Variants in ILDR1 observed in about 807,000 individuals in gnomAD.
ILDR1 encodes the protein immunoglobulin-like domain-containing receptor 1.
ILDR1 carries 56 observed loss-of-function variants against 62.4 expected under a neutral mutation model. That is an observed-to-expected ratio of 0.90 (90% CI 0.72 to 1.12). The LOEUF (loss-of-function observed/expected upper bound fraction) is 1.12. Ranked by LOEUF, ILDR1 falls within the 50% of genes most tolerant of loss-of-function variation. The probability of loss-of-function intolerance (pLI) is 0.00; values close to 1 mark genes in which losing one functional copy is unlikely to be tolerated. For synonymous variants in ILDR1, 284 were observed against 277.8 expected (o/e 1.02, Z -0.22); for missense variants, 736 against 710.6 (o/e 1.04, Z -0.41).
intron 1 of ILDR1, among the ~76,000 whole-genome samples, chr3:122,017,133 C>T (rs2071787530): frequency 6.6e-6 from 1 of 152,038 alleles, no homozygotes; most frequent in African/African-American, 2.4e-5. Context: ...CTGCAACCTC[C>T]GCCCCACCGG....
rs1165789029 is a variant in ILDR1 at position 121,996,995 on chromosome 3, G to A, written c.647-2682C>T. ...GGCTCACTGCAACCTTCGCCTCTGG[G>A]GTTCAAGCGATTCTTCTGTCTCAGC... On this transcript the variant is annotated intron_variant, in intron 5 of 7. Transcript: ENST00000344209. Among the ~76,000 whole-genome samples, 4 of 152,284 alleles carry A rather than the reference G, an allele frequency of 2.6e-5. No homozygotes were observed. In the East Asian group the frequency reaches 5.8e-4, roughly 22 times the overall value.
chr3:122,030,379 CAG>C, the ILDR1 span, among the ~76,000 whole-genome samples: 1 of 151,944 alleles, frequency 6.6e-6, no homozygotes, highest in Non-Finnish European at 1.5e-5. Context: ...AGTATGGAAA[CAG>C]ACACAATACC....
the ILDR1 span, among the ~76,000 whole-genome samples, chr3:122,048,745 T>A: frequency 2.2e-4 from 34 of 152,336 alleles, no homozygotes; most frequent in Non-Finnish European, 1.6e-4. Flanking sequence ...AATATTTTTT[T>A]AATTTCTGTG....
At chr3:122,041,841 T>C in the ILDR1 span, among the ~76,000 whole-genome samples, 1 of 151,958 alleles carries the variant, frequency 6.6e-6, no homozygotes, top group Non-Finnish European at 1.5e-5. Flanking sequence ...ATATATAAGA[T>C]CACATCATCT....
At chr3:122,004,164 G>A (rs980486969) in intron 3 of ILDR1, among the ~76,000 whole-genome samples, 8 of 152,190 alleles carry the variant, frequency 5.3e-5, no homozygotes, top group African/African-American at 1.7e-4. Context: ...GCCACCATGA[G>A]TGGCCCACTG....
intron 2 of ILDR1, among the ~76,000 whole-genome samples, chr3:122,005,751 C>A (rs1259991105): frequency 6.6e-6 from 1 of 151,882 alleles, no homozygotes; most frequent in African/African-American, 2.4e-5. Flanking sequence ...ATCCACCTGC[C>A]CTTAAAACAT....
At position 121,987,680 on chromosome 3, in the gene ILDR1, A is replaced by T. The variant is rs1362606812; in HGVS notation, c.*687T>A. On this transcript the variant is annotated 3_prime_UTR_variant, in exon 8 of 8. Coordinates refer to ENST00000344209, the MANE Select transcript of ILDR1 (RefSeq NM_001199799.2). ...TACTCCATAGATTTCCTTTTCCTGA[A>T]ACATGTTTGATTTCTTCTTAAACAT... 1.3e-5 allele frequency: 2 copies of T among 156,946 alleles called. No individual in the cohort carries two copies. The highest frequency in any genetic ancestry group is 1.2e-4 in the Admixed American group (2 of 16,174). The allele number at this position is 156,946 out of a possible 1,614,324, so 9.7% of individuals were successfully genotyped here.
At chr3:122,052,135 T>C in the ILDR1 span, among the ~76,000 whole-genome samples, 12 of 152,270 alleles carry the variant, frequency 7.9e-5, no homozygotes, top group African/African-American at 2.9e-4. Context: ...TGTTCTATTT[T>C]TCTCTTGCCC....
chr3:121,996,679 A>T (rs1401528686), intron 5 of ILDR1, among the ~76,000 whole-genome samples: 1 of 152,224 alleles, frequency 6.6e-6, no homozygotes, highest in Non-Finnish European at 1.5e-5. Context: ...GCTTGTTAAA[A>T]ATACAGCTTT....
the ILDR1 span, among the ~76,000 whole-genome samples, chr3:122,030,623 T>TCTCTCTCTC: frequency 6.7e-4 from 99 of 147,636 alleles, 1 homozygote; most frequent in South Asian, 2.0e-3. Context: ...GCAAGGGTTT[T>TCTCTCTCTC]TCTCTCTCTC....
chr3:121,988,992 C>G (rs893521832), intron 7 of ILDR1, among the ~76,000 whole-genome samples: 3 of 152,072 alleles, frequency 2.0e-5, no homozygotes, highest in African/African-American at 7.2e-5. Flanking sequence ...GGGTGAAGAA[C>G]TGTGGTTTAC....
At chr3:121,989,800 G>T (rs906660783) in intron 7 of ILDR1, among the ~76,000 whole-genome samples, 1 of 152,030 alleles carries the variant, frequency 6.6e-6, no homozygotes, top group Non-Finnish European at 1.5e-5. Flanking sequence ...GTAACATATC[G>T]TTCCTATCTA....
chr3:122,058,190 T>TA, the ILDR1 span, among the ~76,000 whole-genome samples: 1 of 152,184 alleles, frequency 6.6e-6, no homozygotes, highest in Admixed American at 6.5e-5. Context: ...TACAACCACT[T>TA]AATGGCATTA....
At chr3:122,017,291 C>T (rs1211335269) in intron 1 of ILDR1, among the ~76,000 whole-genome samples, 1 of 152,156 alleles carries the variant, frequency 6.6e-6, no homozygotes, top group Admixed American at 6.5e-5. Flanking sequence ...TCAAATGATC[C>T]ACCTGCCTTG....
chr3:122,026,196 G>A (rs1228414606), upstream of ILDR1, among the ~76,000 whole-genome samples: 2 of 152,152 alleles, frequency 1.3e-5, no homozygotes, highest in Admixed American at 6.5e-5. Context: ...TTTTGAATCC[G>A]GAGAGGCATA....
chr3:122,001,901 GGA>G, intron 3 of ILDR1, 37 bp from the exon 4 acceptor site: 1 of 1,611,228 alleles, frequency 6.2e-7, no homozygotes, highest in South Asian at 1.1e-5. Flanking sequence ...CAGTGTCAGA[GGA>G]GAGAGCACTG....
chr3:121,991,705 G>A lies in ILDR1; in HGVS notation c.1599+1445C>T, dbSNP rs562408053. Among the ~76,000 whole-genome samples, 9 of 152,294 alleles carry A rather than the reference G, an allele frequency of 5.9e-5. No homozygotes were observed. In the East Asian group the frequency reaches 1.5e-3, roughly 26 times the overall value. On this transcript the variant is annotated intron_variant, in intron 7 of 7. Transcript: ENST00000344209. Reference sequence around the variant, plus strand: ...AATTGCCATTAATTATTACAGAAATGTCTGCTGGTCTTTGCTACCTTCCTC... The same window carrying A: ...AATTGCCATTAATTATTACAGAAATATCTGCTGGTCTTTGCTACCTTCCTC...
intron 1 of ILDR1, among the ~76,000 whole-genome samples, chr3:122,012,235 G>A (rs1245290921): frequency 1.3e-5 from 2 of 152,116 alleles, no homozygotes; most frequent in Non-Finnish European, 2.9e-5. Context: ...AATGTGAACA[G>A]GATCAAAAAA....
rs1553743343 is a variant in ILDR1, at chr3:121,993,612, C to G, written c.1137G>C (p.Glu379Asp). Residue 379 changes from glutamate to aspartate, a missense_variant, in exon 7 of 8, where the codon GAG (glutamate) becomes GAC (aspartate). Transcript: ENST00000344209. ...SHHHYPDFHQELQDRGPKSWA... is the reference protein window; with the variant it reads ...SHHHYPDFHQDLQDRGPKSWA... ...AAGACTTTGGCCCCCGGTCCTGGAGCTCCTGGTGGAAATCAGGGTAATGGT... is the reference window on the plus strand; with the variant it reads ...AAGACTTTGGCCCCCGGTCCTGGAGGTCCTGGTGGAAATCAGGGTAATGGT... 9 of 1,614,232 alleles carry G rather than the reference C, an allele frequency of 5.6e-6. No individual in the cohort carries two copies. Among genetic ancestry groups the G allele is most frequent in the Non-Finnish European group, 7.6e-6 (9 of 1,180,034 alleles).
Sources: allele counts gnomAD v4.1 joint callset (sites outside exome capture counted in the v4.1 genomes callset), GRCh38; gene constraint gnomAD v4.1.1; transcripts MANE v1.5; gene names NCBI Gene and HGNC (gene_info 2026-07-23, HGNC 2026-07-21).